The following CPM variants were observed in gnomAD, a reference collection of about 807,000 sequenced individuals.
CPM encodes the protein carboxypeptidase M.
CPM carries 35 observed loss-of-function variants against 46.4 expected under a neutral mutation model. That is an observed-to-expected ratio of 0.75 (90% confidence interval 0.58 to 1.00). The LOEUF (loss-of-function observed/expected upper bound fraction) is 1.00, where lower values mean the gene tolerates loss of function less well. Ranked by LOEUF, CPM falls within the 50% of genes least tolerant of loss-of-function variation. The pLI is 0.00. For synonymous variants in CPM, 195 were observed against 195.3 expected, an observed-to-expected ratio of 1.00 and a Z score of 0.01; for missense variants, 422 against 530.4, an observed-to-expected ratio of 0.80 and a Z score of 2.01.
chr12:68,934,698 T>G (rs953577636), upstream of CPM, among the ~76,000 whole-genome samples: 2 of 152,106 alleles, frequency 1.3e-5, no homozygotes, highest in Non-Finnish European at 2.9e-5. Flanking sequence ...ACGGGATGAG[T>G]GCCAATTCTT....
intron 2 of CPM, among the ~76,000 whole-genome samples, chr12:68,917,870 G>A (rs1887874963): frequency 1.3e-5 from 2 of 152,146 alleles, no homozygotes; most frequent in South Asian, 4.1e-4. Context: ...TTTTGCATAT[G>A]TCTCTGCAGT....
rs553709050 is a variant in CPM at position 68,883,127 on chromosome 12, C to T, written c.258+2665G>A. Among the ~76,000 whole-genome samples the T allele has an allele frequency of 3.9e-5, 6 of 152,304 alleles. No homozygotes were observed. In the South Asian group the frequency reaches 8.3e-4, roughly 21 times the overall value. ...GTATGTGTTCCCTGCTGGGATTCTC[C>T]ACCTAAGGTCCATAAACTCCTAGGT... On this transcript the variant is annotated intron_variant, in intron 3 of 8. Transcript: ENST00000551568.
chr12:68,940,196 C>T (rs1888738720), intron 1 of CPM, among the ~76,000 whole-genome samples: 1 of 151,308 alleles, frequency 6.6e-6, no homozygotes, highest in Non-Finnish European at 1.5e-5. Context: ...GTATAGGGTT[C>T]CCATATACCC....
chr12:68,892,178 A>G (rs1205147659), intron 2 of CPM, among the ~76,000 whole-genome samples: 2 of 152,142 alleles, frequency 1.3e-5, no homozygotes, highest in African/African-American at 4.8e-5. Context: ...ACTGCTAATC[A>G]CCTCAGAGAT....
At chr12:68,921,050 C>T (rs1888020175) in intron 2 of CPM, among the ~76,000 whole-genome samples, 2 of 149,586 alleles carry the variant, frequency 1.3e-5, no homozygotes. Flanking sequence ...TGATCCCTCC[C>T]ACCTTTTTTC....
chr12:68,887,021 C>T (rs768916850), intron 2 of CPM, among the ~76,000 whole-genome samples: 1 of 152,200 alleles, frequency 6.6e-6, no homozygotes, highest in Non-Finnish European at 1.5e-5. Context: ...TATGATCACA[C>T]TGCCGATCAG....
intron 3 of CPM, among the ~76,000 whole-genome samples, chr12:68,882,627 A>G (rs1254052631): frequency 6.6e-6 from 1 of 152,200 alleles, no homozygotes; most frequent in East Asian, 1.9e-4. Context: ...GTTCTTTGAG[A>G]AATCACCACA....
intron 2 of CPM, among the ~76,000 whole-genome samples, chr12:68,904,615 A>G (rs1385634433): frequency 6.6e-6 from 1 of 152,228 alleles, no homozygotes; most frequent in African/African-American, 2.4e-5. Context: ...AGACATGCCC[A>G]ACTACCATTC....
chr12:68,888,773 A>G (rs993550637), intron 2 of CPM, among the ~76,000 whole-genome samples: 4 of 152,208 alleles, frequency 2.6e-5, no homozygotes, highest in African/African-American at 7.2e-5. Flanking sequence ...AGATTTCAGT[A>G]TTTATATTCA....
At chr12:68,928,057 T>C (rs917988491) in intron 2 of CPM, among the ~76,000 whole-genome samples, 1 of 152,178 alleles carries the variant, frequency 6.6e-6, no homozygotes, top group Non-Finnish European at 1.5e-5. Context: ...GAGCCCGCAT[T>C]GCCAAGTCAG....
intron 1 of CPM, among the ~76,000 whole-genome samples, chr12:68,946,760 G>T (rs1195813): frequency 0.65 from 99,210 of 152,082 alleles, 33,634 homozygotes; most frequent in African/African-American, 0.86. Context: ...TGCAAATAGC[G>T]ATACTACCAT....
intron 2 of CPM, among the ~76,000 whole-genome samples, chr12:68,910,443 TCCTC>T (rs1887548428): frequency 6.6e-6 from 1 of 152,094 alleles, no homozygotes; most frequent in African/African-American, 2.4e-5. Flanking sequence ...ATTCTGGACA[TCCTC>T]CCATGTCAAA....
At chr12:68,951,461 G>A (rs988724152) in intron 1 of CPM, among the ~76,000 whole-genome samples, 69 of 152,266 alleles carry the variant, frequency 4.5e-4, no homozygotes, top group African/African-American at 1.6e-3. Flanking sequence ...TCATCTTGGT[G>A]GTGAGTAGGG....
chr12:68,874,551 G>A (rs1850689891), intron 3 of CPM, among the ~76,000 whole-genome samples: 1 of 152,106 alleles, frequency 6.6e-6, no homozygotes, highest in African/African-American at 2.4e-5. Flanking sequence ...AGGAGGCGGA[G>A]GTTGCAATGA....
chr12:68,927,311 C>A (rs1888310546), intron 2 of CPM, among the ~76,000 whole-genome samples: 1 of 151,062 alleles, frequency 6.6e-6, no homozygotes, highest in South Asian at 2.1e-4. Flanking sequence ...TCTCTGATGG[C>A]CAGTGATGGT....
chr12:68,927,640 G>A (rs1005754742), intron 2 of CPM, among the ~76,000 whole-genome samples: 12 of 152,002 alleles, frequency 7.9e-5, no homozygotes, highest in Non-Finnish European at 5.9e-5. Flanking sequence ...GTCCTTGCCC[G>A]TGCCTATGTC....
intron 7 of CPM, among the ~76,000 whole-genome samples, chr12:68,866,563 C>T (rs1317167976): frequency 1.4e-4 from 21 of 152,278 alleles, no homozygotes; most frequent in African/African-American, 3.4e-4. Context: ...AGGCTGGTCT[C>T]GAACTCCTGA....
At chr12:68,842,563 C>T (rs1397379019) in intron 5 of CPM, 1 of 344,342 alleles carries the variant, frequency 2.9e-6, no homozygotes, top group Non-Finnish European at 5.7e-6. Context: ...GATCGCATCT[C>T]ATTGTTAACT....
At chr12:68,873,791 T>G (rs1040611598) in intron 3 of CPM, among the ~76,000 whole-genome samples, 1 of 152,074 alleles carries the variant, frequency 6.6e-6, no homozygotes, top group Non-Finnish European at 1.5e-5. Context: ...TCCTACTCAT[T>G]TTTTATCTTC....
Sources: allele counts gnomAD v4.1 joint callset (sites outside exome capture counted in the v4.1 genomes callset), GRCh38; gene constraint gnomAD v4.1.1; transcripts MANE v1.5; gene names NCBI Gene and HGNC (gene_info 2026-07-23, HGNC 2026-07-21).